Variants in HDAC8 observed in about 807,000 individuals in gnomAD.
HDAC8 encodes the protein histone deacetylase 8.
HDAC8 carries 1 observed loss-of-function variant against 32.2 expected under a neutral mutation model. The observed-to-expected ratio is 0.03, with a 90% CI of 0.01 to 0.15. The LOEUF is 0.15. Among genes scored for constraint, HDAC8 ranks in the 10% least tolerant of loss-of-function variants. HDAC8 has a pLI of 1.00. For synonymous variants in HDAC8, 108 were observed against 113.9 expected (o/e 0.95, Z 0.33); for missense variants, 117 against 300.0 (o/e 0.39, Z 4.51).
chrX:72,500,701 T>G (rs781876392), intron 4 of HDAC8, among the ~76,000 whole-genome samples: 34 of 112,092 alleles, frequency 3.0e-4, no homozygotes, highest in Non-Finnish European at 4.3e-4. Context: ...GCATTCCCCT[T>G]GAAAACTGGC....
intron 9 of HDAC8, among the ~76,000 whole-genome samples, chrX:72,459,350 T>C (rs1275756333): frequency 1.8e-5 from 2 of 111,209 alleles, no homozygotes; most frequent in Non-Finnish European, 3.8e-5. Flanking sequence ...GTAAGGGTTT[T>C]TGAAGGGCAC....
chrX:72,464,547 C>T lies in HDAC8; in HGVS notation c.910+12G>A, dbSNP rs782243986. On this transcript the variant is annotated intron_variant, in intron 8 of 10. Coordinates refer to ENST00000373573, the MANE Select transcript of HDAC8 (RefSeq NM_018486.3). ...AGGTCAACAAATTCTGGTAACCTTC[C>T]TTTATACTCACCTCCTCCCAAAATG... 3 of 1,195,260 alleles carry T rather than the reference C, an allele frequency of 2.5e-6. No homozygotes were observed. Among genetic ancestry groups the T allele is most frequent in the Non-Finnish European group, 3.4e-6 (3 of 880,685 alleles).
At chrX:72,495,073 T>G in intron 5 of HDAC8, 83 bp downstream of exon 5, 1 of 598,467 alleles carries the variant, frequency 1.7e-6, no homozygotes, top group Admixed American at 3.3e-5. Context: ...CAGCAGACAT[T>G]TCTACCAGTT....
chrX:72,521,620 G>A (rs1489463738), intron 4 of HDAC8, among the ~76,000 whole-genome samples: 5 of 111,329 alleles, frequency 4.5e-5, no homozygotes, highest in Non-Finnish European at 9.4e-5. Flanking sequence ...ATAGGAGCCA[G>A]CTCAAAGGCC....
chrX:72,494,074 A>G (rs1230145731), intron 5 of HDAC8, among the ~76,000 whole-genome samples: 1 of 112,062 alleles, frequency 8.9e-6, no homozygotes, highest in Non-Finnish European at 1.9e-5. Context: ...TATAGGCAAT[A>G]AGGAGTCTCT....
At chrX:72,539,602 A>C (rs1451017644) in intron 4 of HDAC8, among the ~76,000 whole-genome samples, 2 of 111,549 alleles carry the variant, frequency 1.8e-5, no homozygotes, top group African/African-American at 6.5e-5. Flanking sequence ...AAAATTTTAA[A>C]AAGGGTTATT....
At chrX:72,517,315 T>C (rs1051975871) in intron 4 of HDAC8, among the ~76,000 whole-genome samples, 6 of 112,303 alleles carry the variant, frequency 5.3e-5, no homozygotes, top group African/African-American at 1.9e-4. Flanking sequence ...TATTTATATA[T>C]TCTGGACACA....
chrX:72,393,565 A>G (rs1325896745), intron 9 of HDAC8, among the ~76,000 whole-genome samples: 1 of 111,801 alleles, frequency 8.9e-6, no homozygotes, highest in East Asian at 2.8e-4. Context: ...GAAGGATTTT[A>G]TGAGCTGCCT....
intron 6 of HDAC8, among the ~76,000 whole-genome samples, chrX:72,490,706 A>T (rs2048842796): frequency 9.2e-6 from 1 of 108,395 alleles, no homozygotes; most frequent in Non-Finnish European, 1.9e-5. Context: ...ATACATATGT[A>T]ACTAACCTGC....
chrX:72,443,998 T>C (rs1270946117), intron 9 of HDAC8, among the ~76,000 whole-genome samples: 1 of 108,693 alleles, frequency 9.2e-6, no homozygotes, highest in Non-Finnish European at 1.9e-5. Context: ...AGAAGTTGAA[T>C]CTCTGAATAG....
chrX:72,403,824 C>G lies in HDAC8; in HGVS notation c.1006-51986G>C, dbSNP rs186201044. ...CCTGGGCGACAGAGCCAGATTCTGT[C>G]TGGCTGATGTGGGAGGATCACTTGA... On this transcript the variant is annotated intron_variant, in intron 9 of 10. Coordinates refer to ENST00000373573, the MANE Select transcript of HDAC8 (RefSeq NM_018486.3). Among the ~76,000 whole-genome samples the G allele has an allele frequency of 4.0e-4, 44 of 111,100 alleles. No individual in the cohort carries two copies. In the East Asian group the frequency reaches 0.011, roughly 28 times the overall value.
At chrX:72,564,697 C>CA (rs1410763375) in intron 4 of HDAC8, among the ~76,000 whole-genome samples, 1 of 111,778 alleles carries the variant, frequency 8.9e-6, no homozygotes, top group African/African-American at 3.3e-5. Flanking sequence ...ACTTGCAATG[C>CA]ATCCTTTGTA....
At chrX:72,499,916 A>C (rs2049151516) in intron 4 of HDAC8, among the ~76,000 whole-genome samples, 1 of 111,733 alleles carries the variant, frequency 8.9e-6, no homozygotes, top group African/African-American at 3.3e-5. Flanking sequence ...AAGAAGATCC[A>C]AATAAACACA....
chrX:72,401,200 A>G (rs2045892764), intron 9 of HDAC8, among the ~76,000 whole-genome samples: 1 of 112,053 alleles, frequency 8.9e-6, no homozygotes. Flanking sequence ...TGGGCAGTGT[A>G]TGAGTGTTTC....
At chrX:72,381,468 T>C (rs1288212184) in intron 9 of HDAC8, among the ~76,000 whole-genome samples, 2 of 111,435 alleles carry the variant, frequency 1.8e-5, no homozygotes, top group African/African-American at 6.5e-5. Context: ...CGAAATCCAA[T>C]CTTCTGCACT....
rs142114150 is a variant in HDAC8 at position 72,472,753 on chromosome X, T to C, written c.738-8022A>G. 6.9e-3 allele frequency among the ~76,000 whole-genome samples: 771 copies of C among 111,741 alleles called. 6 individuals carry two copies. Among genetic ancestry groups the C allele is most frequent in the African/African-American group, 0.024 (742 of 30,721 alleles). On this transcript the variant is annotated intron_variant, in intron 7 of 10. Coordinates refer to ENST00000373573, the MANE Select transcript of HDAC8 (RefSeq NM_018486.3). Reference sequence around the variant, plus strand: ...CATTTTGACTATGCTAAACCTGTCATCTTACCTCTTCTATTCCCTGACTCT... The same window carrying C: ...CATTTTGACTATGCTAAACCTGTCACCTTACCTCTTCTATTCCCTGACTCT...
chrX:72,338,672 A>T (rs1415443794), intron 10 of HDAC8, among the ~76,000 whole-genome samples: 2 of 74,705 alleles, frequency 2.7e-5, no homozygotes, highest in South Asian at 6.5e-4. Context: ...AATATATATA[A>T]ATATATATAT....
intron 9 of HDAC8, among the ~76,000 whole-genome samples, chrX:72,399,459 C>T (rs960166459): frequency 1.1e-4 from 12 of 112,453 alleles, no homozygotes; most frequent in Admixed American, 9.4e-4. Flanking sequence ...TTTTCTTGCA[C>T]TCCCATGTCA....
In HDAC8 at chrX:72,329,821, C is replaced by A. The variant is rs1555939654; in HGVS notation, c.*233G>T. 9.8e-7 allele frequency: 1 copy of A among 1,018,519 alleles called. No individual in the cohort carries two copies. The highest frequency in any genetic ancestry group is 2.7e-5 in the Admixed American group (1 of 36,657). 83.9% of individuals were successfully genotyped at this position (1,018,519 alleles called of 1,213,427 possible). On this transcript the variant is annotated 3_prime_UTR_variant, in exon 11 of 11. Transcript: ENST00000373573. ...GTGTGTGTGTTTTTTTAAATAAGAA[C>A]TTTAAATGTGGGATATCTCCTTCTT...
Sources: allele counts gnomAD v4.1 joint callset (sites outside exome capture counted in the v4.1 genomes callset), GRCh38; gene constraint gnomAD v4.1.1; transcripts MANE v1.5; gene names NCBI Gene and HGNC (gene_info 2026-07-23, HGNC 2026-07-21).